The following FHIT variants were observed in gnomAD, a reference collection of about 807,000 sequenced individuals.
FHIT encodes fragile histidine triad diadenosine triphosphatase.
A neutral mutation model predicts 17.9 loss-of-function variants in FHIT; 19 were observed. That is an observed-to-expected ratio of 1.06 (90% CI 0.74 to 1.56). The LOEUF (loss-of-function observed/expected upper bound fraction) is 1.56. FHIT is among the 40% of genes most tolerant of loss of function. The pLI is 0.00. For synonymous variants in FHIT, 81 were observed against 69.7 expected (o/e 1.16, Z -0.81); for missense variants, 248 against 189.2 (o/e 1.31, Z -1.82).
Position 60,957,233 on chromosome 3 carries a change from C to CTT in FHIT, c.-111+84812_-111+84813dup, listed in dbSNP as rs35221092. On this transcript the variant is annotated intron_variant, in intron 3 of 9. Coordinates refer to ENST00000492590, the MANE Select transcript of FHIT (RefSeq NM_002012.4). Reference sequence around the variant, plus strand: ...CACCATCTTCTTCTTTTCTTTCTTTCTTTTTTTTTTTTTTTTTTTTTTGAG... The same window carrying CTT: ...CACCATCTTCTTCTTTTCTTTCTTTCTTTTTTTTTTTTTTTTTTTTTTTTGAG... Among the ~76,000 whole-genome samples, 446 of 97,110 alleles carry CTT rather than the reference C, an allele frequency of 4.6e-3. 9 individuals are homozygous for CTT. The highest frequency in any genetic ancestry group is 0.014 in the Middle Eastern group (2 of 140). 63.7% of individuals were successfully genotyped at this position (97,110 alleles called of 152,430 possible). A position where few individuals can be genotyped will look rare whatever the true frequency, so the allele number is the denominator to read the frequency against.
chr3:59,872,141 G>T (rs1220936083), intron 8 of FHIT, among the ~76,000 whole-genome samples: 5 of 152,110 alleles, frequency 3.3e-5, no homozygotes, highest in Non-Finnish European at 5.9e-5. Flanking sequence ...CTTCATGGGG[G>T]TCTCCTCAAG....
intron 5 of FHIT, among the ~76,000 whole-genome samples, chr3:60,482,312 G>C (rs1454753000): frequency 6.6e-6 from 1 of 151,828 alleles, no homozygotes; most frequent in East Asian, 1.9e-4. Context: ...CAGCTCTGGA[G>C]GGCTCTGGAT....
intron 5 of FHIT, among the ~76,000 whole-genome samples, chr3:60,055,865 G>A (rs926894397): frequency 2.0e-5 from 3 of 152,180 alleles, no homozygotes; most frequent in Non-Finnish European, 4.4e-5. Flanking sequence ...ACTCTTTCTA[G>A]GCAGCTTCGA....
At chr3:61,120,997 G>T (rs150654836) in intron 2 of FHIT, among the ~76,000 whole-genome samples, 70 of 151,806 alleles carry the variant, frequency 4.6e-4, no homozygotes, top group Middle Eastern at 3.4e-3. Context: ...GGGTATCAGA[G>T]ATTGAAGATC....
At chr3:60,899,087 C>T (rs1417270021) in intron 3 of FHIT, among the ~76,000 whole-genome samples, 3 of 152,198 alleles carry the variant, frequency 2.0e-5, no homozygotes, top group African/African-American at 7.2e-5. Flanking sequence ...GATAAATCCG[C>T]TACTTTGAAC....
At chr3:59,940,882 G>C (rs144718897) in intron 7 of FHIT, among the ~76,000 whole-genome samples, 2 of 152,278 alleles carry the variant, frequency 1.3e-5, no homozygotes, top group East Asian at 3.9e-4. Flanking sequence ...CTCTGCTCAA[G>C]TGTTACTTCC....
chr3:59,988,749 G>A (rs1056522092), intron 7 of FHIT, among the ~76,000 whole-genome samples: 2 of 152,082 alleles, frequency 1.3e-5, no homozygotes, highest in Non-Finnish European at 2.9e-5. Context: ...TTCCCTGTGG[G>A]GGTGGTCCCT....
At chr3:60,865,256 T>C (rs372588073) in intron 3 of FHIT, among the ~76,000 whole-genome samples, 1 of 152,204 alleles carries the variant, frequency 6.6e-6, no homozygotes, top group Non-Finnish European at 1.5e-5. Context: ...TGGTAGCCAC[T>C]AATTATATGT....
In FHIT at chr3:60,124,027, G is replaced by GAC. The variant is rs1416402664; in HGVS notation, c.104-109876_104-109875insGT. Among the ~76,000 whole-genome samples the GAC allele has an allele frequency of 5.7e-3, 579 of 101,216 alleles. 8 individuals carry two copies. The highest frequency in any genetic ancestry group is 0.011 in the East Asian group (42 of 3,746). 66.4% of individuals were successfully genotyped at this position (101,216 alleles called of 152,430 possible). ...ATATATATAGAGAGAGAGAGAGAGA[G>GAC]AGAGAGAGAGAGAGAGAGAGAGAGA... On this transcript the variant is annotated intron_variant, in intron 5 of 9. Transcript: ENST00000492590.
intron 4 of FHIT, among the ~76,000 whole-genome samples, chr3:60,548,065 T>C (rs1418387128): frequency 6.6e-6 from 1 of 151,788 alleles, no homozygotes; most frequent in Non-Finnish European, 1.5e-5. Context: ...AGATCCACCC[T>C]TAATCTGGTG....
chr3:60,260,352 TAAAAAAAAA>T (rs761494437), intron 5 of FHIT, among the ~76,000 whole-genome samples: 1 of 138,322 alleles, frequency 7.2e-6, no homozygotes, highest in Non-Finnish European at 1.6e-5. Flanking sequence ...TGACTAAATT[TAAAAAAAAA>T]AAAAAGAAAA....
chr3:59,878,775 G>A (rs1703274597), intron 8 of FHIT, among the ~76,000 whole-genome samples: 2 of 152,134 alleles, frequency 1.3e-5, no homozygotes, highest in African/African-American at 4.8e-5. Flanking sequence ...TTCATTACTC[G>A]ATATTGACGC....
intron 3 of FHIT, among the ~76,000 whole-genome samples, chr3:60,932,378 C>A (rs9851616): frequency 6.6e-6 from 1 of 151,928 alleles, no homozygotes; most frequent in Non-Finnish European, 1.5e-5. Context: ...CCTTCTCTGC[C>A]CTGCTGGTGG....
At chr3:59,945,470 G>A (rs1457439983) in intron 7 of FHIT, among the ~76,000 whole-genome samples, 1 of 150,300 alleles carries the variant, frequency 6.7e-6, no homozygotes, top group Non-Finnish European at 1.5e-5. Flanking sequence ...TCTCTAGGTT[G>A]TCTGTTTACT....
At position 60,566,374 on chromosome 3, in the gene FHIT, T is replaced by C. The variant is rs1436375703; in HGVS notation, c.-17-29395A>G. ...GACAAAAACCACATGATTATCTCAATAGATGCAGAAAAGGCCTTTGACAAA... is the reference window on the plus strand; with the variant it reads ...GACAAAAACCACATGATTATCTCAACAGATGCAGAAAAGGCCTTTGACAAA... On this transcript the variant is annotated intron_variant, in intron 4 of 9. Transcript: ENST00000492590. Among the ~76,000 whole-genome samples, 5 of 152,058 alleles carry C rather than the reference T, an allele frequency of 3.3e-5. 1 individual carries two copies. Among genetic ancestry groups the C allele is most frequent in the Admixed American group, 2.6e-4 (4 of 15,270 alleles).
chr3:60,057,736 A>C (rs75408479), intron 5 of FHIT, among the ~76,000 whole-genome samples: 4,081 of 151,224 alleles, frequency 0.027, 78 homozygotes, highest in Non-Finnish European at 0.04. Flanking sequence ...TCACCAGATC[A>C]CCACATTTTG....
chr3:61,154,229 G>C (rs1394926018), intron 2 of FHIT, among the ~76,000 whole-genome samples: 1 of 152,192 alleles, frequency 6.6e-6, no homozygotes, highest in Non-Finnish European at 1.5e-5. Context: ...TTGGCTCAGG[G>C]AAACCTCCCA....
At chr3:60,596,806 ATGCTGGC>A (rs1279363007) in intron 4 of FHIT, among the ~76,000 whole-genome samples, 1 of 152,150 alleles carries the variant, frequency 6.6e-6, no homozygotes, top group African/African-American at 2.4e-5. Context: ...AACGCCTAGC[ATGCTGGC>A]TCTTACCATC....
At chr3:61,110,824 TAGAA>T in intron 2 of FHIT, among the ~76,000 whole-genome samples, 1 of 152,294 alleles carries the variant, frequency 6.6e-6, no homozygotes, top group East Asian at 1.9e-4. Context: ...GCTGGTGTGA[TAGAA>T]AGTGAAAGTT....
Sources: gnomAD v4.1 joint callset for allele counts (sites outside exome capture counted in the v4.1 genomes callset) on GRCh38, gnomAD v4.1.1 for gene constraint, MANE v1.5 for transcripts, NCBI Gene and HGNC (gene_info 2026-07-23, HGNC 2026-07-21) for gene names.